Variants in DYM observed in about 807,000 individuals in gnomAD.
DYM encodes the protein dyggve-Melchior-Clausen syndrome protein.
DYM carries 78 observed loss-of-function variants against 93.1 expected under a neutral mutation model. The ratio of observed to expected loss-of-function variants is 0.84; its 90% CI spans 0.70 to 1.01. The LOEUF (loss-of-function observed/expected upper bound fraction) is 1.01, where lower values mean the gene tolerates loss of function less well. Among genes scored for constraint, DYM ranks in the 50% least tolerant of loss-of-function variants. The pLI is 0.00. For synonymous variants in DYM, 321 were observed against 319.7 expected (o/e 1.00, Z -0.04); for missense variants, 789 against 845.0 (o/e 0.93, Z 0.82).
intron 5 of DYM, among the ~76,000 whole-genome samples, chr18:49,377,902 T>G (rs1296273335): frequency 6.6e-6 from 1 of 152,188 alleles, no homozygotes; most frequent in Non-Finnish European, 1.5e-5. Flanking sequence ...TGTTAACATA[T>G]GACCTTGAAT....
chr18:49,433,196 G>A (rs182318315), intron 1 of DYM, among the ~76,000 whole-genome samples: 5 of 152,192 alleles, frequency 3.3e-5, no homozygotes, highest in South Asian at 4.2e-4. Flanking sequence ...TAGAACTGAC[G>A]GTTCACTTGA....
At chr18:49,297,654 G>A (rs1470405723) in intron 8 of DYM, among the ~76,000 whole-genome samples, 1 of 152,052 alleles carries the variant, frequency 6.6e-6, no homozygotes, top group African/African-American at 2.4e-5. Flanking sequence ...CATGCTTCAA[G>A]TGCTTATGTT....
rs1228803484 is a variant in DYM, at chr18:49,209,553, G to A, written c.1623C>T (p.Ser541=). 3.9e-6 allele frequency: 5 copies of A among 1,289,136 alleles called. No homozygotes were observed. Among genetic ancestry groups the A allele is most frequent in the African/African-American group, 1.5e-5 (1 of 65,826 alleles). The allele number at this position is 1,289,136 out of a possible 1,614,324, so 79.9% of individuals were successfully genotyped here. A position where few individuals can be genotyped will look rare whatever the true frequency, so the allele number is the denominator to read the frequency against. Residue 541 remains serine, a splice_region_variant and synonymous_variant, in exon 14 of 18, where the codon TCC becomes TCT. Coordinates refer to ENST00000675505, the MANE Select transcript of DYM (RefSeq NM_001353214.3). ...AATGGACAGCAGAGGTTAATAACCT[G>A]GAAGCATAGGATCTGAGAATGTGAG... The part of the protein sequence containing the change: ...TCSHILRSYA[S]SLFSLLSKKH...
chr18:49,184,657 A>C (rs2090266988), intron 14 of DYM, among the ~76,000 whole-genome samples: 1 of 152,208 alleles, frequency 6.6e-6, no homozygotes, highest in African/African-American at 2.4e-5. Flanking sequence ...GGTCGCATAT[A>C]CAACAGGGAT....
intron 5 of DYM, among the ~76,000 whole-genome samples, chr18:49,371,673 C>T (rs1165073511): frequency 2.0e-5 from 3 of 152,142 alleles, no homozygotes; most frequent in African/African-American, 4.8e-5. Flanking sequence ...GAAAAACTCA[C>T]ATTGAAGGCA....
intron 2 of DYM, among the ~76,000 whole-genome samples, chr18:49,399,934 C>CTTTTTTT (rs1201370040): frequency 3.2e-3 from 209 of 66,118 alleles, no homozygotes; most frequent in Non-Finnish European, 4.3e-3. Flanking sequence ...TTTTATTTTT[C>CTTTTTTT]TTTTTTTTTT....
chr18:49,229,191 A>G (rs1167514381), intron 13 of DYM, among the ~76,000 whole-genome samples: 4 of 152,114 alleles, frequency 2.6e-5, no homozygotes, highest in Non-Finnish European at 2.9e-5. Context: ...TAATAAATCT[A>G]TTAGACAAAA....
At chr18:49,394,799 C>T (rs183368745) in intron 2 of DYM, among the ~76,000 whole-genome samples, 2 of 152,044 alleles carry the variant, frequency 1.3e-5, no homozygotes, top group Admixed American at 6.6e-5. Flanking sequence ...AATGTATTAC[C>T]TTATTTCTTT....
chr18:49,131,011 C>A (rs892414772), intron 15 of DYM, among the ~76,000 whole-genome samples: 1 of 152,186 alleles, frequency 6.6e-6, no homozygotes, highest in Non-Finnish European at 1.5e-5. Context: ...GAGAGAACTA[C>A]TTACTTTAGA....
At chr18:49,184,586 GT>G in intron 14 of DYM, among the ~76,000 whole-genome samples, 1 of 152,086 alleles carries the variant, frequency 6.6e-6, no homozygotes, top group East Asian at 1.9e-4. Flanking sequence ...ATATACTATG[GT>G]TTTTTGATCT....
At chr18:49,450,051 A>C (rs1266425846) in intron 1 of DYM, among the ~76,000 whole-genome samples, 2 of 152,258 alleles carry the variant, frequency 1.3e-5, no homozygotes, top group Non-Finnish European at 2.9e-5. Context: ...TGAAAATATA[A>C]ATTTTGCCCA....
rs1425372501 is a variant in DYM, at chr18:49,118,907, A to G, written c.1748T>C (p.Ile583Thr). 2 of 1,613,866 alleles carry G rather than the reference A, an allele frequency of 1.2e-6. No individual in the cohort carries two copies. The highest frequency in any genetic ancestry group is 1.3e-5 in the African/African-American group (1 of 74,930). ...LPDYAQDLNVIEEVIRMMLEI... is the reference protein window; with the variant it reads ...LPDYAQDLNVTEEVIRMMLEI... ...TAACATCATTCGAATCACTTCTTCA[A>G]TGACATTTAGGTCTTGTGCCTTATA... Residue 583 changes from isoleucine to threonine, a missense_variant, in exon 16 of 18, where the codon ATT (isoleucine) becomes ACT (threonine). Coordinates refer to ENST00000675505, the MANE Select transcript of DYM (RefSeq NM_001353214.3).
chr18:49,348,809 T>C (rs2064851506), intron 6 of DYM, among the ~76,000 whole-genome samples: 1 of 148,958 alleles, frequency 6.7e-6, no homozygotes, highest in Admixed American at 6.8e-5. Flanking sequence ...CTCGGGAGGC[T>C]GAGGCAGGAG....
chr18:49,439,958 T>C (rs1375548073), intron 1 of DYM, among the ~76,000 whole-genome samples: 3 of 151,548 alleles, frequency 2.0e-5, no homozygotes, highest in Non-Finnish European at 4.4e-5. Context: ...TGAGCTATTA[T>C]ACAATCATGT....
intron 1 of DYM, among the ~76,000 whole-genome samples, chr18:49,459,749 A>G (rs1026912644): frequency 1.3e-5 from 2 of 152,028 alleles, no homozygotes; most frequent in Non-Finnish European, 2.9e-5. Flanking sequence ...CAGCTTTACC[A>G]CACCAATACC....
intron 14 of DYM, among the ~76,000 whole-genome samples, chr18:49,196,035 C>G (rs2091419723): frequency 6.7e-6 from 1 of 149,660 alleles, no homozygotes; most frequent in African/African-American, 2.5e-5. Context: ...GCGAATTCTC[C>G]TGCCTCAGCC....
chr18:49,254,644 T>C (rs150237291), intron 13 of DYM, among the ~76,000 whole-genome samples: 2,113 of 152,300 alleles, frequency 0.014, 27 homozygotes, highest in Non-Finnish European at 0.019. Flanking sequence ...AACTAAAAAA[T>C]TGTTTGCATC....
At chr18:49,081,442 G>C (rs1373740674) in intron 17 of DYM, among the ~76,000 whole-genome samples, 1 of 151,594 alleles carries the variant, frequency 6.6e-6, no homozygotes, top group South Asian at 2.1e-4. Context: ...GCCGTGAGCC[G>C]AGATGGCAGC....
chr18:49,063,152 AAAC>A (rs1480571294), intron 17 of DYM, among the ~76,000 whole-genome samples: 15 of 152,210 alleles, frequency 9.9e-5, no homozygotes, highest in Non-Finnish European at 2.2e-4. Context: ...GCAAGTTAAA[AAAC>A]AACTGCTACA....
Sources: gnomAD v4.1 joint callset for allele counts (sites outside exome capture counted in the v4.1 genomes callset) on GRCh38, gnomAD v4.1.1 for gene constraint, MANE v1.5 for transcripts, NCBI Gene and HGNC (gene_info 2026-07-23, HGNC 2026-07-21) for gene names.